Variants in CSTPP1 observed in about 807,000 individuals in gnomAD.
The protein encoded by CSTPP1 is centriolar satellite-associated tubulin polyglutamylase complex regulator 1, also known as UPF0705 protein C11orf49.
At chr11:47,146,860 A>G in the CSTPP1 span, among the ~76,000 whole-genome samples, 1 of 152,266 alleles carries the variant, frequency 6.6e-6, no homozygotes, top group African/African-American at 2.4e-5. Flanking sequence ...ATAGCTATAT[A>G]TGCATCAATC....
the CSTPP1 span, among the ~76,000 whole-genome samples, chr11:46,977,032 A>G: frequency 1.3e-5 from 2 of 152,226 alleles, no homozygotes; most frequent in South Asian, 2.1e-4. Context: ...CTCACACTCA[A>G]GAAGACCATA....
At chr11:46,987,330 A>T in the CSTPP1 span, 1 of 1,599,904 alleles carries the variant, frequency 6.3e-7, no homozygotes, top group South Asian at 1.1e-5. Context: ...TGAATGTTGT[A>T]CTAATACAGT....
At chr11:47,144,712 C>T in the CSTPP1 span, among the ~76,000 whole-genome samples, 1 of 152,110 alleles carries the variant, frequency 6.6e-6, no homozygotes, top group East Asian at 1.9e-4. Context: ...AGGGGACCAT[C>T]ACATCTGTAA....
the CSTPP1 span, chr11:47,156,952 T>G: frequency 1.3e-6 from 2 of 1,518,192 alleles, no homozygotes; most frequent in Non-Finnish European, 1.8e-6. Flanking sequence ...AGGGAAGACA[T>G]AGTGAACAGA....
At chr11:47,020,763 C>G in the CSTPP1 span, among the ~76,000 whole-genome samples, 3 of 152,036 alleles carry the variant, frequency 2.0e-5, no homozygotes, top group Admixed American at 1.3e-4. Flanking sequence ...TTGAAAAATT[C>G]TGTTGTGGAT....
chr11:47,028,872 G>C, the CSTPP1 span, among the ~76,000 whole-genome samples: 2 of 151,730 alleles, frequency 1.3e-5, no homozygotes, highest in East Asian at 3.9e-4. Context: ...AGGTCTGGCT[G>C]TGTCATCCAG....
chr11:47,117,113 T>G, the CSTPP1 span, among the ~76,000 whole-genome samples: 1 of 152,254 alleles, frequency 6.6e-6, no homozygotes, highest in Non-Finnish European at 1.5e-5. Context: ...GTCTTTTAAT[T>G]GGGGCATTTA....
the CSTPP1 span, among the ~76,000 whole-genome samples, chr11:47,012,943 G>C: frequency 6.7e-6 from 1 of 150,194 alleles, no homozygotes; most frequent in Non-Finnish European, 1.5e-5. Flanking sequence ...TTGTTATTTA[G>C]AAAATACTTG....
At chr11:47,081,888 C>G in the CSTPP1 span, among the ~76,000 whole-genome samples, 1 of 148,840 alleles carries the variant, frequency 6.7e-6, no homozygotes, top group Non-Finnish European at 1.5e-5. Context: ...CCCAGGAGTT[C>G]AAGACTAGCC....
chr11:47,082,984 G>A, the CSTPP1 span, among the ~76,000 whole-genome samples: 1 of 152,064 alleles, frequency 6.6e-6, no homozygotes, highest in African/African-American at 2.4e-5. Flanking sequence ...CCATCACTTA[G>A]GTATTAAGCC....
the CSTPP1 span, among the ~76,000 whole-genome samples, chr11:47,081,450 A>G: frequency 6.6e-6 from 1 of 152,190 alleles, no homozygotes; most frequent in African/African-American, 2.4e-5. Flanking sequence ...TTTAAATATA[A>G]CAATTCATTT....
At chr11:47,049,571 GCAGAGGTTGCAGTGAGC>G in the CSTPP1 span, among the ~76,000 whole-genome samples, 1 of 152,008 alleles carries the variant, frequency 6.6e-6, no homozygotes, top group African/African-American at 2.4e-5. Context: ...AGCCTGGAGG[GCAGAGGTTGCAGTGAGC>G]CAAGATGGGG....
chr11:47,018,449 T>G, the CSTPP1 span, among the ~76,000 whole-genome samples: 2 of 151,910 alleles, frequency 1.3e-5, no homozygotes. Context: ...CACCTGCCAC[T>G]GCGCCTGGCT....
chr11:47,029,896 A>C, the CSTPP1 span, among the ~76,000 whole-genome samples: 3 of 150,796 alleles, frequency 2.0e-5, no homozygotes, highest in African/African-American at 7.3e-5. Flanking sequence ...CCAGGAGTTC[A>C]AGACCAGCCT....
the CSTPP1 span, among the ~76,000 whole-genome samples, chr11:46,950,844 G>A: frequency 6.6e-6 from 1 of 151,836 alleles, no homozygotes; most frequent in Admixed American, 6.6e-5. Flanking sequence ...GGTCAGGGTG[G>A]TCTTGAACTC....
chr11:47,113,229 CCAGTCTAT>C, the CSTPP1 span, among the ~76,000 whole-genome samples: 17 of 152,304 alleles, frequency 1.1e-4, no homozygotes, highest in South Asian at 8.3e-4. Flanking sequence ...TTTTCTTAAT[CCAGTCTAT>C]CATTGTTGGA....
At chr11:46,969,199 T>A in the CSTPP1 span, among the ~76,000 whole-genome samples, 1 of 152,210 alleles carries the variant, frequency 6.6e-6, no homozygotes, top group Non-Finnish European at 1.5e-5. Context: ...GTTTTTTTTC[T>A]TTCTCTTCTG....
the CSTPP1 span, chr11:47,161,799 C>A: frequency 7.1e-7 from 1 of 1,411,876 alleles, no homozygotes; most frequent in East Asian, 2.6e-5. Context: ...GATGATCAGC[C>A]CAGCCAGTGG....
At chr11:47,101,185 T>TTA in the CSTPP1 span, among the ~76,000 whole-genome samples, 2 of 102,358 alleles carry the variant, frequency 2.0e-5, no homozygotes, top group African/African-American at 7.9e-5. Context: ...TTTTTTTTTT[T>TTA]TTTTATTTTA....
Sources: gnomAD v4.1 joint callset for allele counts (sites outside exome capture counted in the v4.1 genomes callset) on GRCh38, gnomAD v4.1.1 for gene constraint, MANE v1.5 for transcripts, NCBI Gene and HGNC (gene_info 2026-07-23, HGNC 2026-07-21) for gene names.